The following RBM33 variants were observed in gnomAD, a reference collection of about 807,000 sequenced individuals.
RBM33 encodes the protein RNA-binding protein 33.
RBM33 carries 28 observed loss-of-function variants against 132.6 expected under a neutral mutation model. That is an observed-to-expected ratio of 0.21 (90% CI 0.16 to 0.29). RBM33 has a LOEUF of 0.29. Among genes scored for constraint, RBM33 ranks in the 10% least tolerant of loss-of-function variants. The pLI, the probability that RBM33 is intolerant of heterozygous loss-of-function variation, is 1.00. For missense variants in RBM33, 1,291 were observed against 1,518.5 expected (o/e 0.85, Z 2.49); for synonymous variants, 634 against 593.0 (o/e 1.07, Z -1.01).
At chr7:155,658,295 G>A (rs1798546535) in intron 1 of RBM33, among the ~76,000 whole-genome samples, 1 of 151,754 alleles carries the variant, frequency 6.6e-6, no homozygotes, top group Non-Finnish European at 1.5e-5. Flanking sequence ...GTTACTATTT[G>A]CGTGAAATAT....
chr7:155,664,641 A>T (rs1798749516), intron 1 of RBM33, among the ~76,000 whole-genome samples: 2 of 152,126 alleles, frequency 1.3e-5, no homozygotes, highest in Non-Finnish European at 2.9e-5. Context: ...TCGTCTGTTG[A>T]AGTTTCACCT....
chr7:155,757,192 G>A (rs1032148763), intron 14 of RBM33, among the ~76,000 whole-genome samples: 5 of 152,146 alleles, frequency 3.3e-5, no homozygotes, highest in Admixed American at 6.5e-5. Context: ...TGACCCATGG[G>A]TAGAAGTTGT....
chr7:155,686,683 A>G (rs975008084), intron 5 of RBM33, among the ~76,000 whole-genome samples: 6 of 151,740 alleles, frequency 4.0e-5, no homozygotes, highest in Non-Finnish European at 8.8e-5. Context: ...CCTGTGTCCA[A>G]GTGTTCTCAT....
chr7:155,675,368 G>A (rs796127698), intron 3 of RBM33, among the ~76,000 whole-genome samples: 4 of 151,478 alleles, frequency 2.6e-5, no homozygotes, highest in African/African-American at 9.7e-5. Context: ...TGTATCATTG[G>A]CATTTCTCCC....
At chr7:155,733,813 G>A (rs747354690) in intron 9 of RBM33, among the ~76,000 whole-genome samples, 5 of 152,204 alleles carry the variant, frequency 3.3e-5, no homozygotes, top group Non-Finnish European at 7.3e-5. Context: ...CACCTAGACC[G>A]TGAGCCTTGA....
chr7:155,718,527 C>A, intron 9 of RBM33, 84 bp downstream of exon 9: 2 of 1,088,604 alleles, frequency 1.8e-6, no homozygotes, highest in Non-Finnish European at 2.8e-6. Flanking sequence ...GCAAGAGGTT[C>A]CAGCCAAATA....
chr7:155,757,756 T>C (rs1271336607), intron 14 of RBM33, among the ~76,000 whole-genome samples: 1 of 152,026 alleles, frequency 6.6e-6, no homozygotes, highest in East Asian at 1.9e-4. Flanking sequence ...TTCTGCAGGC[T>C]TTACAGGAAG....
chr7:155,712,490 A>G (rs1415937546), intron 8 of RBM33, among the ~76,000 whole-genome samples: 1 of 152,210 alleles, frequency 6.6e-6, no homozygotes, highest in Non-Finnish European at 1.5e-5. Flanking sequence ...AAACATAAGT[A>G]TTTTATGTGG....
chr7:155,706,915 G>A lies in RBM33; in HGVS notation c.795G>A (p.Gln265=), dbSNP rs1800131604. Residue 265 remains glutamine (Q), a synonymous_variant, in exon 7 of 18, where the codon CAG becomes CAA. Coordinates refer to ENST00000401878, the MANE Select transcript of RBM33 (RefSeq NM_053043.3). ...ALLEFEERER[Q]HKQGRYSSRR... is the part of the protein sequence containing the mutation. ...TTGAATTTGAAGAAAGGGAGCGACAGCATAAACAAGGACGCTACAGCTCCA... is the reference window on the plus strand; with the variant it reads ...TTGAATTTGAAGAAAGGGAGCGACAACATAAACAAGGACGCTACAGCTCCA... 2.5e-6 allele frequency: 4 copies of A among 1,607,278 alleles called. No homozygotes were observed. Among genetic ancestry groups the A allele is most frequent in the Non-Finnish European group, 3.4e-6 (4 of 1,177,014 alleles).
At chr7:155,725,203 GT>G (rs59050644) in intron 9 of RBM33, among the ~76,000 whole-genome samples, 9,461 of 104,762 alleles carry the variant, frequency 0.09, 177 homozygotes, top group Non-Finnish European at 0.12. Flanking sequence ...TTTTTTAGTT[GT>G]TTTTTTTTTT....
At chr7:155,661,816 A>AGATC (rs1469054500) in intron 1 of RBM33, among the ~76,000 whole-genome samples, 1 of 152,148 alleles carries the variant, frequency 6.6e-6, no homozygotes, top group Non-Finnish European at 1.5e-5. Flanking sequence ...GGCTACTTAC[A>AGATC]GATCTTTTTC....
chr7:155,690,874 G>A (rs975280542), intron 5 of RBM33, among the ~76,000 whole-genome samples: 10 of 152,190 alleles, frequency 6.6e-5, no homozygotes, highest in African/African-American at 2.4e-4. Context: ...TGGGTAACCC[G>A]ACCTTTCTCT....
In RBM33 at chr7:155,673,940, G is replaced by GTTGTTGTTTTTTTTTTGTTTTTTT; in HGVS notation, c.171+1027_171+1028insGTTGTTTTTTTTTTGTTTTTTTTT. On this transcript the variant is annotated intron_variant, in intron 3 of 17. Coordinates refer to ENST00000401878, the MANE Select transcript of RBM33 (RefSeq NM_053043.3). ...TCATTATCAAGATAGTTTAGGCTTA[G>GTTGTTGTTTTTTTTTTGTTTTTTT]TTTTTTTTTTTTTTTTTTTTTTTTT... Among the ~76,000 whole-genome samples the GTTGTTGTTTTTTTTTTGTTTTTTT allele has an allele frequency of 8.7e-4, 47 of 54,194 alleles. 3 individuals are homozygous for GTTGTTGTTTTTTTTTTGTTTTTTT. Among genetic ancestry groups the GTTGTTGTTTTTTTTTTGTTTTTTT allele is most frequent in the African/African-American group, 3.6e-3 (44 of 12,126 alleles). The allele number at this position is 54,194 out of a possible 152,430, so 35.6% of individuals were successfully genotyped here.
rs751625569 is a variant in RBM33, at chr7:155,700,996, C to G, written c.739+52C>G. ...TCCTTTACTCTCATTTCAACTTCCT[C>G]CATAGTATTGCTGTAATTAATCAAA... is the stretch of plus-strand genomic sequence containing the variant. On this transcript the variant is annotated intron_variant, in intron 6 of 17. Transcript: ENST00000401878. 52 of 1,425,136 alleles carry G rather than the reference C, an allele frequency of 3.6e-5. No homozygotes were observed. The South Asian group carries it at 6.3e-4, about 17-fold the overall frequency. The allele number at this position is 1,425,136 out of a possible 1,614,324, so 88.3% of individuals were successfully genotyped here.
intron 8 of RBM33, among the ~76,000 whole-genome samples, chr7:155,713,517 G>C (rs1054579827): frequency 6.6e-6 from 1 of 152,072 alleles, no homozygotes; most frequent in African/African-American, 2.4e-5. Context: ...AAGGAGCCGA[G>C]AGGGAGGAAG....
chr7:155,737,405 A>T, intron 9 of RBM33, 125 bp from the exon 10 acceptor site: 38 of 852,850 alleles, frequency 4.5e-5, no homozygotes, highest in African/African-American at 1.4e-4. Flanking sequence ...AAAGACAGTG[A>T]CTGTTAGGAG....
chr7:155,697,953 C>T (rs1347541570), intron 5 of RBM33, among the ~76,000 whole-genome samples: 2 of 152,182 alleles, frequency 1.3e-5, no homozygotes, highest in African/African-American at 2.4e-5. Context: ...GAAAGATTTA[C>T]ATGCACATTT....
intron 8 of RBM33, among the ~76,000 whole-genome samples, chr7:155,716,947 G>A (rs1474914497): frequency 6.6e-6 from 1 of 152,098 alleles, no homozygotes; most frequent in African/African-American, 2.4e-5. Context: ...CACAGGCCAT[G>A]TATGCTATCA....
chr7:155,736,121 A>G (rs1208326986), intron 9 of RBM33, among the ~76,000 whole-genome samples: 1 of 152,200 alleles, frequency 6.6e-6, no homozygotes, highest in East Asian at 1.9e-4. Flanking sequence ...TGTGGTGTTT[A>G]TACTAGTGTT....
Sources: gnomAD v4.1 joint callset for allele counts (sites outside exome capture counted in the v4.1 genomes callset) on GRCh38, gnomAD v4.1.1 for gene constraint, MANE v1.5 for transcripts, NCBI Gene and HGNC (gene_info 2026-07-23, HGNC 2026-07-21) for gene names.